The following PALM2AKAP2 variants were observed in gnomAD, a reference collection of about 807,000 sequenced individuals.
PALM2AKAP2 encodes the protein PALM2-AKAP2 fusion protein.
In PALM2AKAP2, 37 loss-of-function variants were observed where a neutral mutation model predicts 71.5. The observed-to-expected ratio is 0.52, with a 90% CI of 0.40 to 0.68. PALM2AKAP2 has a LOEUF of 0.68. Ranked by LOEUF, PALM2AKAP2 falls within the 30% of genes least tolerant of loss-of-function variation. PALM2AKAP2 has a pLI of 0.00. For synonymous variants in PALM2AKAP2, 468 were observed against 478.8 expected (o/e 0.98, Z 0.29); for missense variants, 1,224 against 1,191.8 (o/e 1.03, Z -0.40).
At chr9:110,009,319 C>T (rs996953499) in intron 6 of PALM2AKAP2, among the ~76,000 whole-genome samples, 1 of 151,856 alleles carries the variant, frequency 6.6e-6, no homozygotes, top group African/African-American at 2.4e-5. Flanking sequence ...AGGAAGTCAC[C>T]CAGTGATTTT....
At chr9:109,935,273 G>T (rs1831195385) in intron 6 of PALM2AKAP2, among the ~76,000 whole-genome samples, 1 of 152,158 alleles carries the variant, frequency 6.6e-6, no homozygotes, top group South Asian at 2.1e-4. Flanking sequence ...ATCTGAAAAA[G>T]CAATCTTTTA....
At chr9:109,727,272 C>T (rs1462475936) in intron 1 of PALM2AKAP2, among the ~76,000 whole-genome samples, 3 of 152,146 alleles carry the variant, frequency 2.0e-5, no homozygotes, top group African/African-American at 4.8e-5. Context: ...ACCAACTTTA[C>T]AGGATTGCTG....
chr9:109,697,169 A>T (rs1227580912), intron 1 of PALM2AKAP2, among the ~76,000 whole-genome samples: 1 of 152,212 alleles, frequency 6.6e-6, no homozygotes, highest in Non-Finnish European at 1.5e-5. Flanking sequence ...CATATAATGG[A>T]GTACCACCTA....
Position 110,000,795 on chromosome 9 carries a change from G to A in PALM2AKAP2, c.497-15159G>A, listed in dbSNP as rs558751853. Among the ~76,000 whole-genome samples, 6 of 152,226 alleles carry A rather than the reference G, an allele frequency of 3.9e-5. No individual in the cohort carries two copies. In the East Asian group the frequency reaches 1.2e-3, roughly 29 times the overall value. On this transcript the variant is annotated intron_variant, in intron 6 of 9. Coordinates refer to the PALM2AKAP2 transcript ENST00000302798. ...TGAGCATTTTTTCATGTGTCTTTTGGCTGCATAAATGTCTCCTTTTGAGAA... is the reference window on the plus strand; with the variant it reads ...TGAGCATTTTTTCATGTGTCTTTTGACTGCATAAATGTCTCCTTTTGAGAA...
intron 1 of PALM2AKAP2, among the ~76,000 whole-genome samples, chr9:109,844,932 TGTG>T (rs1289529784): frequency 1.8e-3 from 16 of 8,712 alleles, no homozygotes; most frequent in African/African-American, 9.8e-3. Context: ...CAGAAAATGA[TGTG>T]TGTGTGTGTG....
chr9:109,889,850 A>T (rs1448154356), intron 3 of PALM2AKAP2, among the ~76,000 whole-genome samples: 1 of 152,226 alleles, frequency 6.6e-6, no homozygotes, highest in Non-Finnish European at 1.5e-5. Context: ...CACTGAGGCC[A>T]TGTAAGAGCC....
chr9:110,092,103 G>A lies in PALM2AKAP2; in HGVS notation c.156+43248G>A, dbSNP rs369467126. Reference sequence around the variant, plus strand: ...TCTCAGCACTTTGTGAAGCCGAGGCGGGAGGACCACCTGAGGTCAGGAGTT... The same window carrying A: ...TCTCAGCACTTTGTGAAGCCGAGGCAGGAGGACCACCTGAGGTCAGGAGTT... On this transcript the variant is annotated intron_variant, in intron 1 of 3. Coordinates refer to ENST00000374525, the Ensembl canonical transcript of PALM2AKAP2. Among the ~76,000 whole-genome samples, 15 of 152,262 alleles carry A rather than the reference G, an allele frequency of 9.9e-5. No homozygotes were observed. In the South Asian group the frequency reaches 2.5e-3, roughly 25 times the overall value.
intron 1 of PALM2AKAP2, among the ~76,000 whole-genome samples, chr9:109,844,108 A>G (rs1828784681): frequency 6.6e-6 from 1 of 152,252 alleles, no homozygotes; most frequent in African/African-American, 2.4e-5. Context: ...GTAGCTAACT[A>G]ACATTTATTG....
intron 1 of PALM2AKAP2, among the ~76,000 whole-genome samples, chr9:109,795,442 C>T (rs571265492): frequency 3.9e-5 from 6 of 152,222 alleles, no homozygotes; most frequent in South Asian, 2.1e-4. Context: ...CTAACCTGCA[C>T]GTTGTGCACG....
At chr9:109,839,444 A>G (rs1335644959) in intron 1 of PALM2AKAP2, among the ~76,000 whole-genome samples, 1 of 152,186 alleles carries the variant, frequency 6.6e-6, no homozygotes, top group Non-Finnish European at 1.5e-5. Flanking sequence ...GAATGGGCAA[A>G]AACTGGAAGC....
chr9:109,869,097 G>T (rs867771328), intron 2 of PALM2AKAP2, among the ~76,000 whole-genome samples: 1 of 152,160 alleles, frequency 6.6e-6, no homozygotes, highest in Non-Finnish European at 1.5e-5. Flanking sequence ...AATGAAAAAA[G>T]AGAGGCTGCT....
At chr9:109,661,912 T>G (rs1827402966) in intron 1 of PALM2AKAP2, among the ~76,000 whole-genome samples, 1 of 152,204 alleles carries the variant, frequency 6.6e-6, no homozygotes, top group Admixed American at 6.5e-5. Flanking sequence ...CTAGGTATTT[T>G]ATTCTCTTTG....
At chr9:109,693,559 T>A (rs1827928069) in intron 1 of PALM2AKAP2, among the ~76,000 whole-genome samples, 1 of 152,002 alleles carries the variant, frequency 6.6e-6, no homozygotes, top group African/African-American at 2.4e-5. Flanking sequence ...ATTTTAAACT[T>A]ATCTTCTCTA....
At chr9:109,980,838 G>A (rs1302807247) in intron 6 of PALM2AKAP2, among the ~76,000 whole-genome samples, 1 of 152,154 alleles carries the variant, frequency 6.6e-6, no homozygotes, top group South Asian at 2.1e-4. Context: ...AAAATGTTAA[G>A]GCACTTTGCC....
intron 1 of PALM2AKAP2, among the ~76,000 whole-genome samples, chr9:109,816,415 A>G (rs1008348343): frequency 6.6e-6 from 1 of 152,206 alleles, no homozygotes; most frequent in Admixed American, 6.6e-5. Context: ...TGGAGATTAG[A>G]AGATTTGAAA....
rs137899801 is a variant in PALM2AKAP2 at position 109,664,823 on chromosome 9, C to T, written c.5+23957C>T. 1.6e-3 allele frequency among the ~76,000 whole-genome samples: 239 copies of T among 152,322 alleles called. 1 individual carries two copies. Among genetic ancestry groups the T allele is most frequent in the African/African-American group, 5.3e-3 (221 of 41,570 alleles). On this transcript the variant is annotated intron_variant, in intron 1 of 6. Coordinates refer to the PALM2AKAP2 transcript ENST00000374531. ...CCATTCTCCCCATCACTTTCTGGTA[C>T]ACCAATCAAATGTAGTTTGGTCTTT...
At chr9:109,855,309 G>A (rs1829133969) in intron 1 of PALM2AKAP2, among the ~76,000 whole-genome samples, 1 of 152,158 alleles carries the variant, frequency 6.6e-6, no homozygotes, top group Admixed American at 6.5e-5. Flanking sequence ...CTGAGCTCAA[G>A]CAATCTGCCC....
intron 6 of PALM2AKAP2, among the ~76,000 whole-genome samples, chr9:109,992,975 A>C (rs996171440): frequency 6.0e-5 from 9 of 150,740 alleles, no homozygotes; most frequent in Admixed American, 5.3e-4. Flanking sequence ...AGAGAGAGAG[A>C]GAGCAGAGAG....
At chr9:109,963,796 C>G (rs1831893978) in intron 6 of PALM2AKAP2, among the ~76,000 whole-genome samples, 1 of 152,216 alleles carries the variant, frequency 6.6e-6, no homozygotes, top group Admixed American at 6.5e-5. Flanking sequence ...CATCTGTCTT[C>G]CCAAGGATGG....
Sources: allele counts gnomAD v4.1 joint callset (sites outside exome capture counted in the v4.1 genomes callset), GRCh38; gene constraint gnomAD v4.1.1; transcripts MANE v1.5; gene names NCBI Gene and HGNC (gene_info 2026-07-23, HGNC 2026-07-21).